FXYD6: variants seen among roughly 807,000 people sequenced by gnomAD.
FXYD6 encodes FXYD domain-containing ion transport regulator 6.
In FXYD6, 7 loss-of-function variants were observed where a neutral mutation model predicts 16.7. The observed-to-expected ratio is 0.42, with a 90% CI of 0.24 to 0.79. FXYD6 has a LOEUF of 0.79. FXYD6 is among the 30% of genes least tolerant of loss of function. FXYD6 has a pLI of 0.28. For synonymous variants in FXYD6, 49 were observed against 43.0 expected, an observed-to-expected ratio of 1.14 and a Z score of -0.54; for missense variants, 111 against 116.2, an observed-to-expected ratio of 0.95 and a Z score of 0.21.
chr11:117,841,442 C>T (rs191990484), intron 4 of FXYD6: 500 of 591,828 alleles, frequency 8.4e-4, no homozygotes, highest in Middle Eastern at 6.3e-3. Flanking sequence ...AGATCAGGCT[C>T]ATGTGGGAAC....
intron 1 of FXYD6, among the ~76,000 whole-genome samples, chr11:117,843,154 C>T (rs182010143): frequency 4.6e-5 from 7 of 152,242 alleles, no homozygotes; most frequent in Admixed American, 2.0e-4. Flanking sequence ...AGGCTGGTCT[C>T]GAACTCTTGA....
At chr11:117,857,043 G>A (rs2056745292) in intron 1 of FXYD6, among the ~76,000 whole-genome samples, 2 of 152,204 alleles carry the variant, frequency 1.3e-5, no homozygotes, top group Admixed American at 1.3e-4. Flanking sequence ...CTGGAGCCAG[G>A]GAAGAGGGCG....
At chr11:117,859,624 G>C (rs910754174) in intron 1 of FXYD6, among the ~76,000 whole-genome samples, 4 of 152,088 alleles carry the variant, frequency 2.6e-5, no homozygotes, top group African/African-American at 9.7e-5. Flanking sequence ...GTGCACCTGT[G>C]GCCCTTTCAT....
intron 3 of FXYD6, 36 bp from the exon 4 acceptor site, chr11:117,841,901 C>T: frequency 6.2e-7 from 1 of 1,613,982 alleles, no homozygotes; most frequent in Non-Finnish European, 8.5e-7. Flanking sequence ...AGGAAGGGGC[C>T]AGGGAGAGGG....
chr11:117,875,576 C>T (rs1428248525), intron 1 of FXYD6, among the ~76,000 whole-genome samples: 1 of 152,124 alleles, frequency 6.6e-6, no homozygotes, highest in Admixed American at 6.5e-5. Flanking sequence ...GTGGCTGGAT[C>T]CCCAAAGGGG....
At chr11:117,845,721 T>C (rs2056452881) in intron 1 of FXYD6, among the ~76,000 whole-genome samples, 2 of 152,212 alleles carry the variant, frequency 1.3e-5, no homozygotes, top group South Asian at 4.1e-4. Context: ...TGCAAGAATT[T>C]TGAGGAAACA....
intron 1 of FXYD6, among the ~76,000 whole-genome samples, chr11:117,874,841 G>A (rs1565335221): frequency 6.6e-6 from 1 of 152,254 alleles, no homozygotes; most frequent in Non-Finnish European, 1.5e-5. Flanking sequence ...CTTTGAGGAG[G>A]AGGGAAAAGG....
At position 117,839,764 on chromosome 11, in the gene FXYD6, G is replaced by A; in HGVS notation, c.*21+17C>T. 1 of 1,614,150 alleles carries A rather than the reference G, an allele frequency of 6.2e-7. No homozygotes were observed. The highest frequency in any genetic ancestry group is 8.5e-7 in the Non-Finnish European group (1 of 1,180,006). On this transcript the variant is annotated intron_variant, in intron 7 of 7. Coordinates refer to ENST00000526014, the MANE Select transcript of FXYD6 (RefSeq NM_022003.4). ...GGTGATGGCAACAGGGGCCAATCCA[G>A]GCACTGAGCATCTCACCTTCCACCT...
intron 1 of FXYD6, among the ~76,000 whole-genome samples, chr11:117,874,804 G>C (rs1460776119): frequency 6.6e-6 from 1 of 152,254 alleles, no homozygotes; most frequent in African/African-American, 2.4e-5. Context: ...AATGGCTCTC[G>C]TTAACACCTG....
In FXYD6 at chr11:117,839,480, A is replaced by T. The variant is rs542013972; in HGVS notation, c.*21+301T>A. ...GCTACTTTGAGATTAGGAGCATTTC[A>T]CTAACTCTAATTCTCCCATGTTGCA... On this transcript the variant is annotated intron_variant, in intron 7 of 7. Coordinates refer to ENST00000526014, the MANE Select transcript of FXYD6 (RefSeq NM_022003.4). The T allele has an allele frequency of 2.6e-5, 11 of 416,860 alleles. No individual in the cohort carries two copies. The South Asian group carries it at 9.1e-4, about 34-fold the overall frequency. The allele number at this position is 416,860 out of a possible 1,614,324, so 25.8% of individuals were successfully genotyped here.
chr11:117,846,525 A>C (rs2056473841), intron 1 of FXYD6, among the ~76,000 whole-genome samples: 1 of 152,206 alleles, frequency 6.6e-6, no homozygotes, highest in Non-Finnish European at 1.5e-5. Flanking sequence ...TCTATTTGAC[A>C]TCTGAAACTG....
At chr11:117,841,333 T>C in intron 4 of FXYD6, 149 bp from the exon 5 acceptor site, 1 of 961,908 alleles carries the variant, frequency 1.0e-6, no homozygotes, top group Non-Finnish European at 1.5e-6. Flanking sequence ...GGCCCTCGGA[T>C]GGGGTAGCTT....
intron 7 of FXYD6, chr11:117,838,558 G>A: frequency 2.4e-6 from 1 of 422,378 alleles, no homozygotes; most frequent in Non-Finnish European, 4.3e-6. Flanking sequence ...AGGTTTCTGA[G>A]AAAGAACTAG....
chr11:117,869,671 A>C (rs1360811093), intron 1 of FXYD6, among the ~76,000 whole-genome samples: 1 of 52,778 alleles, frequency 1.9e-5, no homozygotes, highest in East Asian at 6.7e-4. Flanking sequence ...ACAGAGGAAA[A>C]AGAAGAAGAA....
intron 1 of FXYD6, among the ~76,000 whole-genome samples, chr11:117,845,777 C>T (rs1270865419): frequency 6.6e-6 from 1 of 152,252 alleles, no homozygotes; most frequent in East Asian, 1.9e-4. Context: ...ATACATTTTA[C>T]ATTGCAACCC....
chr11:117,838,606 G>T, intron 7 of FXYD6: 1 of 311,716 alleles, frequency 3.2e-6, no homozygotes, highest in Admixed American at 4.3e-5. Flanking sequence ...TTCATTTCCA[G>T]GCTGCCTCCT....
At chr11:117,875,188 G>A (rs191305171) in intron 1 of FXYD6, among the ~76,000 whole-genome samples, 3 of 152,084 alleles carry the variant, frequency 2.0e-5, no homozygotes, top group African/African-American at 7.2e-5. Context: ...GTATATATGC[G>A]GTGTGTTTGG....
chr11:117,863,569 C>A (rs574865848), intron 1 of FXYD6, among the ~76,000 whole-genome samples: 1 of 151,778 alleles, frequency 6.6e-6, no homozygotes, highest in African/African-American at 2.4e-5. Flanking sequence ...AGGATATCCA[C>A]TTTCACCATT....
Position 117,870,308 on chromosome 11 carries a change from C to T in FXYD6, c.-6+6284G>A, listed in dbSNP as rs2057107246. Among the ~76,000 whole-genome samples the T allele has an allele frequency of 6.6e-6, 1 of 152,184 alleles. No homozygotes were observed. Among genetic ancestry groups the T allele is most frequent in the African/African-American group, 2.4e-5 (1 of 41,450 alleles). On this transcript the variant is annotated intron_variant, in intron 1 of 7. Coordinates refer to ENST00000526014, the MANE Select transcript of FXYD6 (RefSeq NM_022003.4). The surrounding 1 kb of genome is among the most constrained non-coding windows in gnomAD (Gnocchi z 4.2). ...ATGGTGAGTGGTATTGCACAGAAGC[C>T]ACAGGCTGGGGCCCCAGCAGGCTGC...
Sources: allele counts gnomAD v4.1 joint callset (sites outside exome capture counted in the v4.1 genomes callset), GRCh38; gene constraint gnomAD v4.1.1; non-coding constraint Gnocchi (gnomAD v3.1); transcripts MANE v1.5; gene names NCBI Gene and HGNC (gene_info 2026-07-23, HGNC 2026-07-21).